Variants in CLCN3 observed in about 807,000 individuals in gnomAD.
CLCN3 encodes H(+)/Cl(-) exchange transporter 3.
In CLCN3, 16 loss-of-function variants were observed where a neutral mutation model predicts 83.4. The ratio of observed to expected loss-of-function variants is 0.19; its 90% CI spans 0.13 to 0.29. The LOEUF (loss-of-function observed/expected upper bound fraction) is 0.29, where lower values mean the gene tolerates loss of function less well. CLCN3 is among the 10% of genes least tolerant of loss of function. The pLI is 1.00. For missense variants in CLCN3, 544 were observed against 1,006.0 expected (o/e 0.54, Z 6.21); for synonymous variants, 322 against 346.2 (o/e 0.93, Z 0.78).
intron 2 of CLCN3, among the ~76,000 whole-genome samples, chr4:169,679,115 G>T (rs1303753132): frequency 2.0e-5 from 3 of 150,962 alleles, no homozygotes; most frequent in Non-Finnish European, 3.0e-5. Flanking sequence ...CCGGGCGGAG[G>T]GGCTCCTCAC....
chr4:169,718,351 C>G (rs571564405), intron 12 of CLCN3, among the ~76,000 whole-genome samples: 9 of 151,758 alleles, frequency 5.9e-5, no homozygotes, highest in Admixed American at 5.9e-4. Context: ...ATTAGAACTG[C>G]TTACAGTTAA....
At chr4:169,636,216 C>T (rs1773497774) in intron 2 of CLCN3, 128 bp downstream of exon 2, 1 of 812,700 alleles carries the variant, frequency 1.2e-6, no homozygotes, top group South Asian at 1.9e-5. Context: ...ATAACATAAA[C>T]TTAACCATTG....
chr4:169,646,573 G>C (rs1159082104), intron 2 of CLCN3, among the ~76,000 whole-genome samples: 2 of 152,158 alleles, frequency 1.3e-5, no homozygotes, highest in African/African-American at 4.8e-5. Context: ...TGGGATTACA[G>C]GCGTGAGCCA....
chr4:169,680,286 C>A, intron 3 of CLCN3, 79 bp downstream of exon 3: 1 of 979,396 alleles, frequency 1.0e-6, no homozygotes, highest in Non-Finnish European at 1.5e-6. Flanking sequence ...CCAATGATCT[C>A]AGGCTGCCAA....
At chr4:169,638,989 G>A (rs967584604) in intron 2 of CLCN3, among the ~76,000 whole-genome samples, 3 of 152,102 alleles carry the variant, frequency 2.0e-5, no homozygotes, top group Non-Finnish European at 4.4e-5. Context: ...CAATTAGCAA[G>A]TATAAAGTTG....
chr4:169,692,606 C>G (rs1436150385), intron 7 of CLCN3, among the ~76,000 whole-genome samples: 3 of 152,122 alleles, frequency 2.0e-5, no homozygotes, highest in Non-Finnish European at 4.4e-5. Context: ...TACCTTACAT[C>G]TTTCCTCTTC....
intron 1 of CLCN3, among the ~76,000 whole-genome samples, chr4:169,629,907 G>A (rs1473139215): frequency 2.0e-5 from 3 of 152,172 alleles, no homozygotes; most frequent in Non-Finnish European, 4.4e-5. Flanking sequence ...GACTTTGGGC[G>A]AGTTATTTAC....
At chr4:169,667,986 G>A (rs1232330071) in intron 2 of CLCN3, among the ~76,000 whole-genome samples, 2 of 148,002 alleles carry the variant, frequency 1.4e-5, no homozygotes, top group African/African-American at 2.5e-5. Context: ...TGATCCACCT[G>A]CCTCAGCCTC....
intron 2 of CLCN3, among the ~76,000 whole-genome samples, chr4:169,646,880 A>G (rs1171266945): frequency 2.0e-5 from 3 of 152,234 alleles, no homozygotes; most frequent in African/African-American, 7.2e-5. Flanking sequence ...AAACATATCT[A>G]TTCTACCTAC....
rs750318734 is a variant in CLCN3, at chr4:169,707,055, A to C, written c.1938A>C (p.Glu646Asp). 11 of 1,614,154 alleles carry C rather than the reference A, an allele frequency of 6.8e-6. No homozygotes were observed. The highest frequency in any genetic ancestry group is 9.3e-6 in the Non-Finnish European group (11 of 1,180,010). The change falls in exon 11 of 13, where the codon GAA becomes GAC. Residue 646 changes from glutamate (E) to aspartate (D), a missense_variant. Transcript: ENST00000513761. ...GATACCCTTTCTTGGATGCAAAAGA[A>C]GAATTCACTCATACCACCCTGGCTG... ...LNGYPFLDAKEEFTHTTLAAD... is the reference protein window; with the variant it reads ...LNGYPFLDAKDEFTHTTLAAD...
At chr4:169,660,075 G>A (rs10520159) in intron 2 of CLCN3, 85,085 of 1,026,518 alleles carry the variant, frequency 0.083, 3,684 homozygotes, top group African/African-American at 0.12. Context: ...TTTGTGTGTT[G>A]TACTTGGAGC....
intron 9 of CLCN3, 138 bp downstream of exon 9, chr4:169,697,872 A>T (rs112236601): frequency 2.1e-5 from 14 of 656,726 alleles, no homozygotes; most frequent in African/African-American, 1.8e-4. Flanking sequence ...AATGAAAAAG[A>T]TAATTCCTTA....
At chr4:169,688,320 A>G (rs1732239266) in intron 4 of CLCN3, among the ~76,000 whole-genome samples, 2 of 152,250 alleles carry the variant, frequency 1.3e-5, no homozygotes, top group Admixed American at 1.3e-4. Flanking sequence ...CGTGGCCACA[A>G]AGTCCCAATG....
intron 2 of CLCN3, among the ~76,000 whole-genome samples, chr4:169,655,631 A>G (rs1730858912): frequency 6.6e-6 from 1 of 152,136 alleles, no homozygotes. Flanking sequence ...CGTAGCTAGG[A>G]CCGCAGGCAT....
chr4:169,684,529 T>C (rs999578273), intron 3 of CLCN3, among the ~76,000 whole-genome samples: 7 of 152,216 alleles, frequency 4.6e-5, no homozygotes, highest in Non-Finnish European at 8.8e-5. Context: ...TCCTTCGTCA[T>C]GTCCTTAGAT....
chr4:169,637,418 C>T (rs7666988), intron 2 of CLCN3, among the ~76,000 whole-genome samples: 150,427 of 152,246 alleles, frequency 0.99, 74,334 homozygotes, highest in East Asian at 1. Context: ...TTTGGAAGGC[C>T]GAGGCAGGAG....
chr4:169,660,537 C>T (rs1460725097), intron 2 of CLCN3: 13 of 856,394 alleles, frequency 1.5e-5, no homozygotes, highest in Non-Finnish European at 2.0e-5. Context: ...TCTCGTTTGT[C>T]CTTTAAATAC....
At chr4:169,654,215 T>C (rs898065508) in intron 2 of CLCN3, among the ~76,000 whole-genome samples, 1 of 151,726 alleles carries the variant, frequency 6.6e-6, no homozygotes, top group Non-Finnish European at 1.5e-5. Context: ...CTCCTTTCCT[T>C]TCTCCTATTC....
At chr4:169,711,342 A>T (rs1733206655) in intron 11 of CLCN3, among the ~76,000 whole-genome samples, 1 of 152,116 alleles carries the variant, frequency 6.6e-6, no homozygotes, top group East Asian at 1.9e-4. Context: ...TTGCTAATGG[A>T]CTTCTTTTCT....
Sources: gnomAD v4.1 joint callset for allele counts (sites outside exome capture counted in the v4.1 genomes callset) on GRCh38, gnomAD v4.1.1 for gene constraint, MANE v1.5 for transcripts, NCBI Gene and HGNC (gene_info 2026-07-23, HGNC 2026-07-21) for gene names.